CWC27: variants seen among roughly 807,000 people sequenced by gnomAD.
The protein encoded by CWC27 is CWC27 spliceosome associated cyclophilin.
A neutral mutation model predicts 63.6 loss-of-function variants in CWC27; 47 were observed. The ratio of observed to expected loss-of-function variants is 0.74; its 90% CI spans 0.58 to 0.94. The LOEUF is 0.94. Ranked by LOEUF, CWC27 falls within the 40% of genes least tolerant of loss-of-function variation. The pLI, the probability that CWC27 is intolerant of heterozygous loss-of-function variation, is 0.00. For synonymous variants in CWC27, 175 were observed against 179.8 expected, an observed-to-expected ratio of 0.97 and a Z score of 0.22; for missense variants, 495 against 554.3, an observed-to-expected ratio of 0.89 and a Z score of 1.07.
rs545081506 is a variant in CWC27 at position 64,970,520 on chromosome 5, T to C, written c.1043-1183T>C. Among the ~76,000 whole-genome samples, 21 of 152,308 alleles carry C rather than the reference T, an allele frequency of 1.4e-4. No homozygotes were observed. The East Asian group carries it at 4.1e-3, about 29-fold the overall frequency. On this transcript the variant is annotated intron_variant, in intron 11 of 13. Transcript: ENST00000381070. ...AGCCACCACGCCCGGCCGAAAGTAA[T>C]TTTTAAACCTACTATAAGAATCACT... is the stretch of plus-strand genomic sequence containing the variant.
At chr5:64,878,297 G>A (rs889617676) in intron 10 of CWC27, among the ~76,000 whole-genome samples, 27 of 151,394 alleles carry the variant, frequency 1.8e-4, no homozygotes, top group African/African-American at 6.3e-4. Flanking sequence ...TGGCATTAGA[G>A]TAGATATCTT....
At chr5:64,782,167 G>T (rs770928475) in intron 3 of CWC27, 134 bp downstream of exon 3, 12 of 483,300 alleles carry the variant, frequency 2.5e-5, no homozygotes, top group Non-Finnish European at 4.1e-5. Context: ...TAAACATCAG[G>T]CTGGGTGCAG....
intron 10 of CWC27, among the ~76,000 whole-genome samples, chr5:64,858,512 C>T (rs559080005): frequency 6.7e-5 from 10 of 150,104 alleles, no homozygotes; most frequent in Admixed American, 4.0e-4. Context: ...GCCACAGATT[C>T]AGAGAAAATA....
At chr5:64,832,118 A>G (rs1303215600) in intron 10 of CWC27, among the ~76,000 whole-genome samples, 1 of 151,954 alleles carries the variant, frequency 6.6e-6, no homozygotes, top group Admixed American at 6.6e-5. Context: ...TCTCTTGTAC[A>G]TTAAAATCCA....
At chr5:65,013,900 C>CTAATAAG (rs1750006934) in intron 13 of CWC27, among the ~76,000 whole-genome samples, 1 of 152,040 alleles carries the variant, frequency 6.6e-6, no homozygotes, top group Non-Finnish European at 1.5e-5. Flanking sequence ...TGTTGGAATT[C>CTAATAAG]TATATTAGAC....
intron 9 of CWC27, among the ~76,000 whole-genome samples, chr5:64,801,904 A>G (rs1240653814): frequency 6.6e-6 from 1 of 152,182 alleles, no homozygotes. Context: ...TAATCTGTGC[A>G]TTGTATAATT....
At chr5:64,773,014 A>G (rs1423264141) in intron 1 of CWC27, among the ~76,000 whole-genome samples, 1 of 152,106 alleles carries the variant, frequency 6.6e-6, no homozygotes, top group Non-Finnish European at 1.5e-5. Context: ...TATAGACCAT[A>G]GTATTTAGAT....
At chr5:64,979,492 A>C (rs1749292157) in intron 13 of CWC27, among the ~76,000 whole-genome samples, 1 of 152,216 alleles carries the variant, frequency 6.6e-6, no homozygotes, top group South Asian at 2.1e-4. Context: ...AAGCAACAAC[A>C]TCATTTCTGT....
intron 11 of CWC27, among the ~76,000 whole-genome samples, chr5:64,965,642 A>G (rs1274003210): frequency 6.6e-6 from 1 of 152,190 alleles, no homozygotes; most frequent in Non-Finnish European, 1.5e-5. Flanking sequence ...ATAAAATTTT[A>G]CCCAACTATT....
At chr5:64,998,821 T>G (rs1749683374) in intron 13 of CWC27, among the ~76,000 whole-genome samples, 2 of 152,050 alleles carry the variant, frequency 1.3e-5, no homozygotes, top group Admixed American at 1.3e-4. Context: ...TATTTTAAAA[T>G]TTTTTGTTCT....
chr5:64,870,608 G>A (rs1746647103), intron 10 of CWC27, among the ~76,000 whole-genome samples: 1 of 152,002 alleles, frequency 6.6e-6, no homozygotes, highest in Non-Finnish European at 1.5e-5. Flanking sequence ...AAAGAATGAT[G>A]AATCATAATG....
At chr5:64,949,406 A>G (rs180937268) in intron 11 of CWC27, among the ~76,000 whole-genome samples, 1 of 152,104 alleles carries the variant, frequency 6.6e-6, no homozygotes, top group East Asian at 1.9e-4. Flanking sequence ...ATGTCCTACC[A>G]TGACCATTTT....
chr5:64,770,249 C>A (rs557497220), intron 1 of CWC27, among the ~76,000 whole-genome samples: 1 of 152,258 alleles, frequency 6.6e-6, no homozygotes, highest in South Asian at 2.1e-4. Context: ...TCTTTCAATT[C>A]TTTGTTTGAA....
At position 64,924,817 on chromosome 5, in the gene CWC27, C is replaced by T. The variant is rs182565859; in HGVS notation, c.1042+39271C>T. Among the ~76,000 whole-genome samples the T allele has an allele frequency of 4.3e-4, 65 of 152,280 alleles. 1 individual carries two copies. Among genetic ancestry groups the T allele is most frequent in the Admixed American group, 4.1e-3 (62 of 15,292 alleles). ...TCCATTAGAAGTGAGTATGGACAAG[C>T]TGTTAATGATTGGCATATATAGAAA... On this transcript the variant is annotated intron_variant, in intron 11 of 13. Coordinates refer to ENST00000381070, the MANE Select transcript of CWC27 (RefSeq NM_005869.4).
At chr5:64,924,427 A>G (rs1343144763) in intron 11 of CWC27, among the ~76,000 whole-genome samples, 2 of 152,250 alleles carry the variant, frequency 1.3e-5, no homozygotes, top group Non-Finnish European at 2.9e-5. Context: ...GAGTAGAAAT[A>G]TAAAATGTGA....
At chr5:64,872,283 A>C (rs561073236) in intron 10 of CWC27, among the ~76,000 whole-genome samples, 1 of 152,270 alleles carries the variant, frequency 6.6e-6, no homozygotes, top group East Asian at 1.9e-4. Context: ...CTCATGATAG[A>C]TCTCTCATGC....
intron 11 of CWC27, among the ~76,000 whole-genome samples, chr5:64,888,309 ATAATATAGT>A (rs1377998532): frequency 1.4e-5 from 2 of 147,650 alleles, no homozygotes; most frequent in Non-Finnish European, 3.0e-5. Context: ...ATAATTATAT[ATAATATAGT>A]TAATATAATT....
intron 10 of CWC27, among the ~76,000 whole-genome samples, chr5:64,824,952 T>A (rs1274792076): frequency 6.6e-6 from 1 of 151,904 alleles, no homozygotes; most frequent in Admixed American, 6.6e-5. Context: ...CAGGATGGTC[T>A]CGATCTCCTG....
At chr5:64,986,347 G>C (rs1287152943) in intron 13 of CWC27, among the ~76,000 whole-genome samples, 2 of 152,134 alleles carry the variant, frequency 1.3e-5, no homozygotes, top group Non-Finnish European at 2.9e-5. Context: ...ATCCTTACCA[G>C]TGTGTTGAAC....
Sources: allele counts gnomAD v4.1 joint callset (sites outside exome capture counted in the v4.1 genomes callset), GRCh38; gene constraint gnomAD v4.1.1; transcripts MANE v1.5; gene names NCBI Gene and HGNC (gene_info 2026-07-23, HGNC 2026-07-21).